The following ZNF695 variants were observed in gnomAD, a reference collection of about 807,000 sequenced individuals.
The protein encoded by ZNF695 is zinc finger protein SBZF3.
A neutral mutation model predicts 11.2 loss-of-function variants in ZNF695; 11 were observed. That is an observed-to-expected ratio of 0.98 (90% CI 0.62 to 1.62). The LOEUF (loss-of-function observed/expected upper bound fraction) is 1.62, where lower values mean the gene tolerates loss of function less well. Ranked by LOEUF, ZNF695 falls within the 40% of genes most tolerant of loss-of-function variation. The pLI is 0.00. For synonymous variants in ZNF695, 190 were observed against 201.4 expected (o/e 0.94, Z 0.48); for missense variants, 559 against 590.5 (o/e 0.95, Z 0.55).
At chr1:246,984,276 G>A (rs10924881), downstream of ZNF695, among the ~76,000 whole-genome samples, 70,267 of 132,364 alleles carry the variant, frequency 0.53, 21,465 homozygotes, top group East Asian at 0.97. Flanking sequence ...CATAACACAG[G>A]TTTTAAAAAA....
Position 246,988,257 on chromosome 1 carries a change from T to C in ZNF695, c.260-2A>G, listed in dbSNP as rs1290080065. 6 of 1,531,422 alleles carry C rather than the reference T, an allele frequency of 3.9e-6. No homozygotes were observed. The African/African-American group carries it at 8.4e-5, about 21-fold the overall frequency. 94.9% of individuals were successfully genotyped at this position (1,531,422 alleles called of 1,614,324 possible). On this transcript the variant is annotated splice_acceptor_variant, in intron 3 of 3. Coordinates refer to ENST00000339986, the MANE Select transcript of ZNF695 (RefSeq NM_020394.5). LOFTEE classifies it high-confidence loss of function. ...CTTCAGTAAGATAAGAAGACAAAAC[T>C]GGAAAAAATAAAAACAACAAATTAT...
intron 1 of ZNF695, among the ~76,000 whole-genome samples, chr1:247,001,666 T>A (rs1438697283): frequency 7.6e-6 from 1 of 131,828 alleles, no homozygotes; most frequent in Non-Finnish European, 1.5e-5. Context: ...TAAGCTGAGA[T>A]CATGCCACTG....
intron 1 of ZNF695, among the ~76,000 whole-genome samples, chr1:247,003,953 C>T (rs1669463520): frequency 6.6e-6 from 1 of 152,238 alleles, no homozygotes; most frequent in South Asian, 2.1e-4. Flanking sequence ...TGGCTCATGC[C>T]TGTAATCCCA....
intron 5 of ZNF695, among the ~76,000 whole-genome samples, chr1:246,953,816 C>A (rs561123874): frequency 4.0e-5 from 6 of 151,868 alleles, no homozygotes; most frequent in African/African-American, 1.4e-4. Flanking sequence ...ATCCCAGCTA[C>A]TCAGGAGGCT....
At chr1:247,003,935 C>T (rs7544897) in intron 1 of ZNF695, among the ~76,000 whole-genome samples, 90,271 of 152,118 alleles carry the variant, frequency 0.59, 28,342 homozygotes, top group East Asian at 0.98. Context: ...TTCTTAGGGC[C>T]GGGCATGTGG....
In ZNF695 at chr1:246,987,307, G is replaced by A. The variant is rs771623519; in HGVS notation, c.1208C>T (p.Thr403Ile). 4.8e-5 allele frequency: 77 copies of A among 1,613,584 alleles called. No homozygotes were observed. The highest frequency in any genetic ancestry group is 6.1e-5 in the Non-Finnish European group (72 of 1,179,952). The change falls in exon 4 of 4, where the codon ACT (threonine) becomes ATT (isoleucine). Residue 403 changes from threonine to isoleucine, a missense_variant. Transcript: ENST00000339986. ...CTCACATTTGTAGGGTTTCTGCCCA[G>A]TATGAATTCTCTTATGCTGAATAAG... ...SYLIQHKRIH[T>I]GQKPYKCEEC...
chr1:246,966,916 A>G, intron 5 of ZNF695: 1 of 443,016 alleles, frequency 2.3e-6, no homozygotes, highest in Non-Finnish European at 4.5e-6. Flanking sequence ...TATTAAATAA[A>G]TCATATTAAA....
At chr1:247,006,003 A>G (rs1477391504) in intron 1 of ZNF695, among the ~76,000 whole-genome samples, 2 of 152,032 alleles carry the variant, frequency 1.3e-5, no homozygotes. Flanking sequence ...AGGCGGGAGG[A>G]TCACAAGGTC....
intron 3 of ZNF695, among the ~76,000 whole-genome samples, chr1:246,999,023 T>C (rs879783882): frequency 7.4e-5 from 11 of 147,812 alleles, no homozygotes; most frequent in South Asian, 2.2e-4. Flanking sequence ...TATATGAGCA[T>C]AGAGTTCCTC....
At chr1:246,949,586 G>T (rs1667821909) in intron 5 of ZNF695, among the ~76,000 whole-genome samples, 1 of 130,462 alleles carries the variant, frequency 7.7e-6, no homozygotes, top group African/African-American at 3.7e-5. Context: ...GCAAGACCCT[G>T]TCTCAAAAAA....
At chr1:246,967,767 G>A (rs1237572427) in exon 5 of ZNF695, 1 of 384,174 alleles carries the variant, frequency 2.6e-6, no homozygotes, top group South Asian at 2.0e-5. Context: ...AGAAGGCAAA[G>A]GGGAAGCAAG....
chr1:246,959,309 A>AT (rs1668097459), intron 5 of ZNF695, among the ~76,000 whole-genome samples: 1 of 60,718 alleles, frequency 1.6e-5, no homozygotes, highest in East Asian at 4.9e-4. Context: ...AAAAAAAAAA[A>AT]AATATATATA....
intron 3 of ZNF695, among the ~76,000 whole-genome samples, chr1:246,988,963 A>G (rs142542315): frequency 0.013 from 1,920 of 152,178 alleles, 41 homozygotes; most frequent in African/African-American, 0.044. Flanking sequence ...GCGTGGTGGC[A>G]GGCGCCTGTA....
chr1:246,986,936 T>A lies in ZNF695; in HGVS notation c.*31A>T. On this transcript the variant is annotated 3_prime_UTR_variant, in exon 4 of 4. Coordinates refer to ENST00000339986, the MANE Select transcript of ZNF695 (RefSeq NM_020394.5). Reference sequence around the variant, plus strand: ...AGTTGTGAATAGGTATTAAAGACTATGCCATATTGTTTAGAATTGTAGGGT... The same window carrying A: ...AGTTGTGAATAGGTATTAAAGACTAAGCCATATTGTTTAGAATTGTAGGGT... 6.5e-7 allele frequency: 1 copy of A among 1,534,468 alleles called. No individual in the cohort carries two copies. The highest frequency in any genetic ancestry group is 8.7e-7 in the Non-Finnish European group (1 of 1,146,584).
Position 246,987,021 on chromosome 1 carries a change from G to C in ZNF695, c.1494C>G (p.Gly498=). The change falls in exon 4 of 4, where the codon GGC becomes GGG. Residue 498 remains glycine (G), a synonymous_variant. Coordinates refer to ENST00000339986, the MANE Select transcript of ZNF695 (RefSeq NM_020394.5). ...REKPYKCEEC[G]KAFNHSAQLA... ...GTTGTGCAGAGTGGTTAAAGGCTTT[G>C]CCACATTCCTCACACTTGTATGGTT... 1 of 1,611,018 alleles carries C rather than the reference G, an allele frequency of 6.2e-7. No homozygotes were observed. Among genetic ancestry groups the C allele is most frequent in the Non-Finnish European group, 8.5e-7 (1 of 1,178,960 alleles).
At position 246,988,951 on chromosome 1, in the gene ZNF695, G is replaced by A. The variant is rs113926284; in HGVS notation, c.260-696C>T. On this transcript the variant is annotated intron_variant, in intron 3 of 3. Transcript: ENST00000339986. ...TAAAAAATACAAAAAAAAATTAGCC[G>A]GGCGTGGTGGCAGGCGCCTGTAGTC... 2.5e-3 allele frequency among the ~76,000 whole-genome samples: 376 copies of A among 152,254 alleles called. 2 individuals carry two copies. The highest frequency in any genetic ancestry group is 8.1e-3 in the African/African-American group (338 of 41,552).
intron 4 of ZNF695, among the ~76,000 whole-genome samples, chr1:246,979,332 G>A (rs761323662): frequency 1.3e-5 from 2 of 152,072 alleles, no homozygotes; most frequent in African/African-American, 2.4e-5. Context: ...TGAGGGGTAC[G>A]GGACCACACC....
chr1:246,962,838 A>G (rs1374501075), intron 5 of ZNF695, among the ~76,000 whole-genome samples: 1 of 151,620 alleles, frequency 6.6e-6, no homozygotes, highest in African/African-American at 2.4e-5. Flanking sequence ...GACTACAGGC[A>G]CCCGCCACCA....
intron 4 of ZNF695, among the ~76,000 whole-genome samples, chr1:246,975,495 G>A (rs1041643239): frequency 2.6e-5 from 4 of 152,206 alleles, no homozygotes; most frequent in African/African-American, 7.2e-5. Flanking sequence ...ACAATGTGAT[G>A]AAGATTTTAA....
Sources: allele counts gnomAD v4.1 joint callset (sites outside exome capture counted in the v4.1 genomes callset), GRCh38; gene constraint gnomAD v4.1.1; transcripts MANE v1.5; gene names NCBI Gene and HGNC (gene_info 2026-07-23, HGNC 2026-07-21).